KIAA0930: variants seen among roughly 807,000 people sequenced by gnomAD.
KIAA0930 encodes uncharacterized protein KIAA0930.
Under a neutral mutation model 43.9 loss-of-function variants are expected in KIAA0930, and 24 were observed. The observed-to-expected ratio is 0.55, with a 90% CI of 0.40 to 0.77. The LOEUF is 0.77. Among genes scored for constraint, KIAA0930 ranks in the 30% least tolerant of loss-of-function variants. The pLI is 0.00. For missense variants in KIAA0930, 461 were observed against 574.2 expected (o/e 0.80, Z 2.02); for synonymous variants, 259 against 216.4 (o/e 1.20, Z -1.73).
intron 1 of KIAA0930, chr22:45,226,307 G>C (rs1196408425): frequency 2.1e-6 from 1 of 471,108 alleles, no homozygotes; most frequent in Non-Finnish European, 4.4e-6. Flanking sequence ...TCAAGTCCGG[G>C]CACCTGGCAA....
chr22:45,220,608 GTC>G (rs2083761745), intron 1 of KIAA0930, among the ~76,000 whole-genome samples: 2 of 152,082 alleles, frequency 1.3e-5, no homozygotes, highest in South Asian at 4.1e-4. Flanking sequence ...TTGGGACAGG[GTC>G]TATCTATGTC....
chr22:45,234,555 C>T (rs2083874917), intron 1 of KIAA0930, among the ~76,000 whole-genome samples: 1 of 152,254 alleles, frequency 6.6e-6, no homozygotes, highest in South Asian at 2.1e-4. Flanking sequence ...ACCCGTCTAC[C>T]ACCTACGGTC....
In KIAA0930 at chr22:45,200,113, C is replaced by T. The variant is rs191532463; in HGVS notation, c.853-78G>A. 3.9e-4 allele frequency: 549 copies of T among 1,401,490 alleles called. 2 individuals carry two copies. The African/African-American group carries it at 5.8e-3, about 15-fold the overall frequency. 86.8% of individuals were successfully genotyped at this position (1,401,490 alleles called of 1,614,324 possible). On this transcript the variant is annotated intron_variant, in intron 7 of 9. Coordinates refer to ENST00000336156, the MANE Select transcript of KIAA0930 (RefSeq NM_001009880.2). ...GGGTCCCAACGCCCCTCCTATCCCA[C>T]CCTCAAACAACCTGACACAGCTCCC...
At chr22:45,220,482 T>C (rs1371358501) in intron 1 of KIAA0930, among the ~76,000 whole-genome samples, 1 of 152,082 alleles carries the variant, frequency 6.6e-6, no homozygotes, top group Admixed American at 6.5e-5. Context: ...TCTATTAATA[T>C]ATTCATATCT....
intron 1 of KIAA0930, among the ~76,000 whole-genome samples, chr22:45,224,308 A>G (rs2083785239): frequency 6.6e-6 from 1 of 152,238 alleles, no homozygotes. Context: ...CTCATCCCGC[A>G]AATAAAACAA....
At chr22:45,213,798 T>C (rs1601817983) in intron 1 of KIAA0930, among the ~76,000 whole-genome samples, 1 of 152,220 alleles carries the variant, frequency 6.6e-6, no homozygotes, top group South Asian at 2.1e-4. Context: ...TCACCTGAGG[T>C]CAGGAGTTCA....
chr22:45,205,452 G>T, intron 4 of KIAA0930, 134 bp from the exon 5 acceptor site: 1 of 914,832 alleles, frequency 1.1e-6, no homozygotes, highest in Non-Finnish European at 1.7e-6. Flanking sequence ...GAGATGTGGG[G>T]GATAAGCTGG....
Position 45,240,620 on chromosome 22 carries a change from C to T in KIAA0930, c.64+20G>A. 1 of 1,515,922 alleles carries T rather than the reference C, an allele frequency of 6.6e-7. No individual in the cohort carries two copies. The highest frequency in any genetic ancestry group is 8.8e-7 in the Non-Finnish European group (1 of 1,133,774). The allele number at this position is 1,515,922 out of a possible 1,614,324, so 93.9% of individuals were successfully genotyped here. A position where few individuals can be genotyped will look rare whatever the true frequency, so the allele number is the denominator to read the frequency against. Reference sequence around the variant, plus strand: ...ACGCTCACCTCTCCCGGCCCGGCCTCGCCCCCGGGTCCCACTCACCGAGGC... The same window carrying T: ...ACGCTCACCTCTCCCGGCCCGGCCTTGCCCCCGGGTCCCACTCACCGAGGC... On this transcript the variant is annotated intron_variant, in intron 1 of 9. Coordinates refer to ENST00000336156, the MANE Select transcript of KIAA0930 (RefSeq NM_001009880.2).
intron 1 of KIAA0930, among the ~76,000 whole-genome samples, chr22:45,232,853 G>A (rs544503095): frequency 1.3e-5 from 2 of 152,300 alleles, no homozygotes; most frequent in East Asian, 3.9e-4. Flanking sequence ...TGTGACCTCA[G>A]CCTCCGTTTC....
intron 1 of KIAA0930, among the ~76,000 whole-genome samples, chr22:45,220,410 G>A (rs1428402376): frequency 6.6e-6 from 1 of 151,786 alleles, no homozygotes; most frequent in Non-Finnish European, 1.5e-5. Context: ...ATCGAGATCG[G>A]GCCACTCCAG....
chr22:45,231,223 GAAAA>G (rs529570003), intron 1 of KIAA0930, among the ~76,000 whole-genome samples: 3,187 of 47,400 alleles, frequency 0.067, 93 homozygotes, highest in African/African-American at 0.16. Context: ...CTCCGTCTCA[GAAAA>G]AAAAAAAAAA....
chr22:45,198,163 A>C (rs5766529), intron 8 of KIAA0930: 233,005 of 562,532 alleles, frequency 0.41, 50,197 homozygotes, highest in African/African-American at 0.62. Flanking sequence ...CAGGCCTCCA[A>C]CTCCAGGAAG....
chr22:45,234,860 T>C (rs1361754927), intron 1 of KIAA0930, among the ~76,000 whole-genome samples: 2 of 152,312 alleles, frequency 1.3e-5, no homozygotes, highest in African/African-American at 4.8e-5. Context: ...GAAACCTGCA[T>C]AGAGAAGATC....
At chr22:45,227,378 A>G (rs2083808660) in intron 1 of KIAA0930, among the ~76,000 whole-genome samples, 1 of 151,902 alleles carries the variant, frequency 6.6e-6, no homozygotes, top group African/African-American at 2.4e-5. Context: ...CATTGTGAAA[A>G]CCAGGGGGCT....
rs1291137580 is a variant in KIAA0930 at position 45,196,469 on chromosome 22, C to G, written c.*707G>C. On this transcript the variant is annotated 3_prime_UTR_variant, in exon 10 of 10. Transcript: ENST00000336156. The surrounding 1 kb of genome is among the most constrained non-coding windows in gnomAD (Gnocchi z 4.1). ...TCTGCAGGTTCCTCCGTGCGAGGCC[C>G]AGCGTGGGATGTCCCAGGTTGGAGG... The G allele has an allele frequency of 2.6e-5, 4 of 152,734 alleles. No individual in the cohort carries two copies. The highest frequency in any genetic ancestry group is 9.7e-5 in the African/African-American group (4 of 41,442). 9.5% of individuals were successfully genotyped at this position (152,734 alleles called of 1,614,324 possible).
At position 45,219,352 on chromosome 22, in the gene KIAA0930, C is replaced by T. The variant is rs1425096379; in HGVS notation, c.65-7245G>A. On this transcript the variant is annotated intron_variant, in intron 1 of 9. Transcript: ENST00000336156. ...GATAACTTGGAACATTTTCCACTAACCAGACCCTGGGAATAATCGCGAATT... is the reference window on the plus strand; with the variant it reads ...GATAACTTGGAACATTTTCCACTAATCAGACCCTGGGAATAATCGCGAATT... Among the ~76,000 whole-genome samples the T allele has an allele frequency of 8.5e-5, 13 of 152,310 alleles. No homozygotes were observed. The East Asian group carries it at 2.5e-3, about 29-fold the overall frequency.
chr22:45,210,222 C>G (rs1284344612), intron 2 of KIAA0930, among the ~76,000 whole-genome samples: 1 of 152,182 alleles, frequency 6.6e-6, no homozygotes, highest in Non-Finnish European at 1.5e-5. Context: ...GAGAAAAGTT[C>G]TCTGCAACCT....
chr22:45,205,949 C>A, intron 2 of KIAA0930, 37 bp from the exon 3 acceptor site: 1 of 1,606,678 alleles, frequency 6.2e-7, no homozygotes. Context: ...GCCCAGGGCC[C>A]ACTGTGGTGC....
At chr22:45,212,161 A>G (rs1385553685) in intron 1 of KIAA0930, 54 bp from the exon 2 acceptor site, 3 of 1,613,720 alleles carry the variant, frequency 1.9e-6, no homozygotes, top group South Asian at 1.1e-5. Flanking sequence ...TGGCCCTTGC[A>G]GCATGGCCTT....
Sources: allele counts gnomAD v4.1 joint callset (sites outside exome capture counted in the v4.1 genomes callset), GRCh38; gene constraint gnomAD v4.1.1; non-coding constraint Gnocchi (gnomAD v3.1); transcripts MANE v1.5; gene names NCBI Gene and HGNC (gene_info 2026-07-23, HGNC 2026-07-21).